Variants in DGKD observed in about 807,000 individuals in gnomAD.
DGKD encodes the protein diacylglycerol kinase delta.
A neutral mutation model predicts 154.4 loss-of-function variants in DGKD; 68 were observed. The ratio of observed to expected loss-of-function variants is 0.44; its 90% CI spans 0.36 to 0.54. DGKD has a LOEUF of 0.54. Among genes scored for constraint, DGKD ranks in the 20% least tolerant of loss-of-function variants. The probability of loss-of-function intolerance (pLI) is 0.00; values close to 1 mark genes in which losing one functional copy is unlikely to be tolerated. For missense variants in DGKD, 1,343 were observed against 1,593.6 expected (o/e 0.84, Z 2.68); for synonymous variants, 693 against 638.0 (o/e 1.09, Z -1.30).
At chr2:233,370,390 T>G (rs1702249493) in intron 1 of DGKD, among the ~76,000 whole-genome samples, 1 of 151,870 alleles carries the variant, frequency 6.6e-6, no homozygotes, top group South Asian at 2.1e-4. Flanking sequence ...ATTTTTGTAT[T>G]TTTAGTACAG....
intron 9 of DGKD, among the ~76,000 whole-genome samples, chr2:233,439,494 T>C (rs565819466): frequency 6.6e-6 from 1 of 152,376 alleles, no homozygotes; most frequent in Admixed American, 6.5e-5. Context: ...ACATTTTCTG[T>C]AGAAAGACTT....
chr2:233,441,218 G>T lies in DGKD; in HGVS notation c.1086-669G>T, dbSNP rs948632315. ...TGGGGACGCTGCTGGGCAGGGGCAG[G>T]GGGAGCCCAGGAAGGAAGGAAACCG... On this transcript the variant is annotated intron_variant, in intron 9 of 29. Transcript: ENST00000264057. This position sits in a 1 kb window ranked among gnomAD's most constrained non-coding sequence, Gnocchi z 5.6. 6.6e-6 allele frequency among the ~76,000 whole-genome samples: 1 copy of T among 152,160 alleles called. No individual in the cohort carries two copies. Among genetic ancestry groups the T allele is most frequent in the Non-Finnish European group, 1.5e-5 (1 of 68,030 alleles).
chr2:233,388,292 C>G lies in DGKD; in HGVS notation c.192C>G (p.Asn64Lys). The G allele has an allele frequency of 6.2e-7, 1 of 1,614,056 alleles. No individual in the cohort carries two copies. Among genetic ancestry groups the G allele is most frequent in the Non-Finnish European group, 8.5e-7 (1 of 1,179,994 alleles). ...AAGAGGGGATGCTGACCAAACAGAA[C>G]AATTCATTCCAGCGATCAAAAAGGA... The part of the protein sequence containing the change: ...IIKEGMLTKQ[N>K]NSFQRSKRRY... Residue 64 changes from asparagine (N) to lysine (K), a missense_variant, in exon 2 of 30, where the codon AAC becomes AAG. This residue lies in a region of DGKD where 332 missense variants were observed against 400.1 expected (regional missense o/e 0.83). Coordinates refer to ENST00000264057, the MANE Select transcript of DGKD (RefSeq NM_152879.3).
intron 1 of DGKD, chr2:233,385,907 C>T (rs1183582478): frequency 2.8e-6 from 1 of 362,014 alleles, no homozygotes; most frequent in African/African-American, 8.2e-5. Context: ...TTTTTCTGAG[C>T]ACTCTTGTTA....
chr2:233,458,417 G>A lies in DGKD; in HGVS notation c.2694+20G>A, dbSNP rs764829177. ...GCCCAGGTAGTGGCCATGGTCCTGGGGTGTCTGGCCGAGTCCCCAGCCCGG... is the reference window on the plus strand; with the variant it reads ...GCCCAGGTAGTGGCCATGGTCCTGGAGTGTCTGGCCGAGTCCCCAGCCCGG... On this transcript the variant is annotated intron_variant, in intron 22 of 29. Transcript: ENST00000264057. This position sits in a 1 kb window ranked among gnomAD's most constrained non-coding sequence, Gnocchi z 6.6. The A allele has an allele frequency of 6.3e-6, 10 of 1,583,112 alleles. No individual in the cohort carries two copies. The East Asian group carries it at 1.1e-4, about 18-fold the overall frequency.
chr2:233,372,209 C>T (rs552847685), intron 1 of DGKD, among the ~76,000 whole-genome samples: 32 of 151,944 alleles, frequency 2.1e-4, no homozygotes, highest in Non-Finnish European at 3.4e-4. Context: ...TTTGTAGAGA[C>T]GGGTTCTTGC....
intron 9 of DGKD, among the ~76,000 whole-genome samples, chr2:233,439,205 C>G (rs1026626260): frequency 1.3e-5 from 2 of 152,204 alleles, no homozygotes; most frequent in Admixed American, 1.3e-4. Flanking sequence ...CCAGGATACC[C>G]GTAGTGGGAA....
At chr2:233,466,460 T>C (rs1185778396) in intron 27 of DGKD, among the ~76,000 whole-genome samples, 2 of 152,212 alleles carry the variant, frequency 1.3e-5, no homozygotes, top group African/African-American at 4.8e-5. Flanking sequence ...TTCATAGTTT[T>C]ACTTTCAAGC....
At chr2:233,446,833 C>T in intron 12 of DGKD, 37 bp downstream of exon 12, 1 of 1,608,176 alleles carries the variant, frequency 6.2e-7, no homozygotes, top group Non-Finnish European at 8.5e-7. Flanking sequence ...TGCTCGCATG[C>T]TGATGTGATC....
chr2:233,437,296 C>A, intron 7 of DGKD, 81 bp from the exon 8 acceptor site: 1 of 1,326,790 alleles, frequency 7.5e-7, no homozygotes, highest in Non-Finnish European at 1.1e-6. Flanking sequence ...GAGGCCAGCT[C>A]ATCAGCTACA....
intron 3 of DGKD, among the ~76,000 whole-genome samples, chr2:233,398,123 G>T: frequency 8.0e-6 from 1 of 125,786 alleles, no homozygotes; most frequent in Non-Finnish European, 1.6e-5. Flanking sequence ...ATTTATCCTG[G>T]CTTATTCTTG....
At chr2:233,376,995 GAA>G (rs373230419) in intron 1 of DGKD, among the ~76,000 whole-genome samples, 1 of 140,420 alleles carries the variant, frequency 7.1e-6, no homozygotes, top group Admixed American at 7.1e-5. Flanking sequence ...TTTCTTTTTG[GAA>G]AAAAAAAACT....
rs565374416 is a variant in DGKD, at chr2:233,457,087, A to G, written c.2472+92A>G. 3.7e-6 allele frequency: 5 copies of G among 1,338,768 alleles called. No homozygotes were observed. The highest frequency in any genetic ancestry group is 3.6e-5 in the South Asian group (3 of 84,024). The allele number at this position is 1,338,768 out of a possible 1,614,324, so 82.9% of individuals were successfully genotyped here. A position where few individuals can be genotyped will look rare whatever the true frequency, so the allele number is the denominator to read the frequency against. ...GCTTCTCCTGTTGACCATTTCCTCC[A>G]TGCACAGGGACTTGCCTGGGGATGC... On this transcript the variant is annotated intron_variant, in intron 20 of 29. Coordinates refer to ENST00000264057, the MANE Select transcript of DGKD (RefSeq NM_152879.3). This position sits in a 1 kb window ranked among gnomAD's most constrained non-coding sequence, Gnocchi z 5.5.
At chr2:233,387,426 G>A (rs148047372) in intron 1 of DGKD, among the ~76,000 whole-genome samples, 661 of 152,210 alleles carry the variant, frequency 4.3e-3, no homozygotes, top group Non-Finnish European at 7.3e-3. Flanking sequence ...CATGCTTGTC[G>A]TTTATTCTTT....
chr2:233,454,020 T>G (rs560237886), intron 18 of DGKD, among the ~76,000 whole-genome samples: 5 of 152,352 alleles, frequency 3.3e-5, no homozygotes, highest in Admixed American at 2.0e-4. Context: ...AAACATATCT[T>G]CAGGTTTGGT....
intron 26 of DGKD, among the ~76,000 whole-genome samples, chr2:233,462,937 G>A (rs1340810981): frequency 1.3e-5 from 2 of 152,232 alleles, no homozygotes; most frequent in African/African-American, 4.8e-5. Flanking sequence ...TCAAGCATGC[G>A]AGAAGCGCTT....
chr2:233,463,977 A>G, intron 26 of DGKD, 187 bp from the exon 27 acceptor site: 1 of 694,504 alleles, frequency 1.4e-6, no homozygotes, highest in Non-Finnish European at 2.4e-6. Flanking sequence ...TTCTCTCACC[A>G]GCACTACTTA....
At chr2:233,446,424 G>A (rs913369907) in intron 11 of DGKD, among the ~76,000 whole-genome samples, 9 of 152,254 alleles carry the variant, frequency 5.9e-5, no homozygotes, top group Admixed American at 5.2e-4. Flanking sequence ...GCCATTTGCA[G>A]CTCTCTTGAG....
In DGKD at chr2:233,459,778, A is replaced by G. The variant is rs1284841849; in HGVS notation, c.2716A>G (p.Ile906Val). 6.2e-7 allele frequency: 1 copy of G among 1,613,460 alleles called. No homozygotes were observed. The highest frequency in any genetic ancestry group is 8.5e-7 in the Non-Finnish European group (1 of 1,179,736). The stretch of plus-strand genomic sequence containing the variant: ...TCAGTGTCGCACGGTGAAGATCTCC[A>G]TCCTTGGGGATGAGGGCGTGCCTGT... ...IAQCRTVKIS[I>V]LGDEGVPVQV... Residue 906 changes from isoleucine (I) to valine (V), a missense_variant, in exon 23 of 30, where the codon ATC becomes GTC. Around this residue, in one of 6 missense-constraint regions of DGKD, gnomAD observed 429 missense variants for 496.3 expected, o/e 0.86. Coordinates refer to ENST00000264057, the MANE Select transcript of DGKD (RefSeq NM_152879.3). The surrounding 1 kb of genome is among the most constrained non-coding windows in gnomAD (Gnocchi z 5.7).
Sources: gnomAD v4.1 joint callset for allele counts (sites outside exome capture counted in the v4.1 genomes callset) on GRCh38, gnomAD v4.1.1 for gene constraint, gnomAD v4.1.1 regional missense constraint, Gnocchi (gnomAD v3.1) non-coding constraint, MANE v1.5 for transcripts, NCBI Gene and HGNC (gene_info 2026-07-23, HGNC 2026-07-21) for gene names.